The following HEATR5B variants were observed in gnomAD, a reference collection of about 807,000 sequenced individuals.
The protein encoded by HEATR5B is HEAT repeat containing 5B.
HEATR5B carries 156 observed loss-of-function variants against 224.1 expected under a neutral mutation model. The ratio of observed to expected loss-of-function variants is 0.70; its 90% CI spans 0.61 to 0.80. The LOEUF (loss-of-function observed/expected upper bound fraction) is 0.80, where lower values mean the gene tolerates loss of function less well. Ranked by LOEUF, HEATR5B falls within the 30% of genes least tolerant of loss-of-function variation. HEATR5B has a pLI of 0.00. For synonymous variants in HEATR5B, 1,027 were observed against 893.0 expected, an observed-to-expected ratio of 1.15 and a Z score of -2.68; for missense variants, 2,323 against 2,535.5, an observed-to-expected ratio of 0.92 and a Z score of 1.80.
intron 32 of HEATR5B, among the ~76,000 whole-genome samples, chr2:37,001,202 T>C (rs77650360): frequency 0.016 from 2,391 of 152,240 alleles, 65 homozygotes; most frequent in African/African-American, 0.055. Context: ...TTGTAAAACA[T>C]GTAATCAATC....
intron 5 of HEATR5B, 80 bp from the exon 6 acceptor site, chr2:37,072,361 A>C: frequency 1.0e-6 from 1 of 968,530 alleles, no homozygotes; most frequent in Non-Finnish European, 1.5e-6. Context: ...CAGACTTACC[A>C]CCTCTCCTGA....
At chr2:37,000,431 G>A (rs1451510346) in intron 33 of HEATR5B, among the ~76,000 whole-genome samples, 155 bp downstream of exon 33, 1 of 152,132 alleles carries the variant, frequency 6.6e-6, no homozygotes, top group Non-Finnish European at 1.5e-5. Flanking sequence ...ATCCAGAAAA[G>A]AGTATTAAAG....
At chr2:36,998,306 T>C (rs1666861628) in intron 33 of HEATR5B, among the ~76,000 whole-genome samples, 1 of 152,236 alleles carries the variant, frequency 6.6e-6, no homozygotes, top group South Asian at 2.1e-4. Context: ...TGAAAAATGT[T>C]AATGCTTACT....
intron 11 of HEATR5B, among the ~76,000 whole-genome samples, chr2:37,061,375 G>T (rs1183665468): frequency 4.6e-5 from 7 of 152,172 alleles, no homozygotes; most frequent in East Asian, 1.9e-4. Context: ...TAGATGCTTA[G>T]ATCTGTGTCA....
intron 10 of HEATR5B, 34 bp from the exon 11 acceptor site, chr2:37,062,084 A>G (rs1417845051): frequency 1.6e-6 from 2 of 1,233,194 alleles, no homozygotes; most frequent in Admixed American, 1.7e-5. Flanking sequence ...ATTTTAATTC[A>G]AACAAGTTAA....
At chr2:37,000,838 C>T (rs747544611) in intron 32 of HEATR5B, 25 bp from the exon 33 acceptor site, 1 of 1,443,808 alleles carries the variant, frequency 6.9e-7, no homozygotes, top group Non-Finnish European at 9.7e-7. Context: ...AATCAGATCA[C>T]CTCATAACTA....
chr2:37,018,402 G>C (rs1244551084), intron 26 of HEATR5B, among the ~76,000 whole-genome samples: 1 of 152,188 alleles, frequency 6.6e-6, no homozygotes, highest in Admixed American at 6.5e-5. Flanking sequence ...TTGTGTGGCA[G>C]TATCCCAAAC....
At chr2:37,052,913 C>T (rs137872222) in intron 17 of HEATR5B, among the ~76,000 whole-genome samples, 6 of 152,208 alleles carry the variant, frequency 3.9e-5, no homozygotes, top group Non-Finnish European at 5.9e-5. Context: ...TAAATTATTT[C>T]GGGAAATTTC....
At chr2:37,049,886 T>C in intron 17 of HEATR5B, 43 bp from the exon 18 acceptor site, 5 of 1,440,024 alleles carry the variant, frequency 3.5e-6, no homozygotes, top group Non-Finnish European at 3.7e-6. Context: ...CAATTCATAA[T>C]TCATTATTAT....
At chr2:37,019,123 G>A (rs371705567) in intron 26 of HEATR5B, among the ~76,000 whole-genome samples, 18 of 151,984 alleles carry the variant, frequency 1.2e-4, no homozygotes, top group African/African-American at 4.1e-4. Context: ...GCATGCCACT[G>A]TGCTCCAGCC....
At chr2:37,041,746 ATAATAATAATAT>A (rs1488995986) in intron 18 of HEATR5B, among the ~76,000 whole-genome samples, 1 of 146,898 alleles carries the variant, frequency 6.8e-6, no homozygotes, top group Non-Finnish European at 1.5e-5. Flanking sequence ...CCCTGTCTCA[ATAATAATAATAT>A]TAATAATAAT....
chr2:37,057,249 GT>G, intron 15 of HEATR5B, 67 bp downstream of exon 15: 1 of 1,207,550 alleles, frequency 8.3e-7, no homozygotes, highest in Admixed American at 2.7e-5. Flanking sequence ...TTCTTTTTAA[GT>G]GACAATGTGT....
intron 18 of HEATR5B, among the ~76,000 whole-genome samples, chr2:37,047,802 G>A (rs1292016991): frequency 6.6e-6 from 1 of 152,154 alleles, no homozygotes; most frequent in African/African-American, 2.4e-5. Context: ...TGATGTTGAT[G>A]AAAACAGTCT....
chr2:37,076,114 T>C (rs1231737663), intron 4 of HEATR5B: 1 of 138,182 alleles, frequency 7.2e-6, no homozygotes. Context: ...CATATTCTCA[T>C]AGTGCTTATT....
intron 19 of HEATR5B, 92 bp from the exon 20 acceptor site, chr2:37,040,610 A>G (rs1669811811): frequency 3.4e-6 from 3 of 871,260 alleles, no homozygotes; most frequent in African/African-American, 3.6e-5. Context: ...TATACTCTTA[A>G]TATTTTTAGG....
At chr2:36,985,421 T>TA (rs1028923485) in intron 35 of HEATR5B, among the ~76,000 whole-genome samples, 34 of 150,802 alleles carry the variant, frequency 2.3e-4, no homozygotes, top group Non-Finnish European at 4.4e-4. Flanking sequence ...AGCAGTCCAT[T>TA]AAAAAAATGA....
At chr2:37,075,805 G>C (rs915640749) in intron 4 of HEATR5B, 171 bp from the exon 5 acceptor site, 27 of 438,158 alleles carry the variant, frequency 6.2e-5, no homozygotes, top group Admixed American at 5.7e-4. Context: ...TGGCAAGTAA[G>C]AATAGTCAAT....
rs1665588535 is a variant in HEATR5B at position 36,981,641 on chromosome 2, T to C, written c.6065A>G (p.Lys2022Arg). 1 of 1,614,060 alleles carries C rather than the reference T, an allele frequency of 6.2e-7. No homozygotes were observed. The highest frequency in any genetic ancestry group is 1.1e-5 in the South Asian group (1 of 91,082). ...CTCAGGAGCAGCCCCCATTACTGTC[T>C]TGAAAGCATGTGGATACAGAGGTCC... ...HIGPLYPHAFKTVMGAAPELK... is the reference protein window; with the variant it reads ...HIGPLYPHAFRTVMGAAPELK... Residue 2022 changes from lysine to arginine, a missense_variant, in exon 36 of 36, where the codon AAG (lysine) becomes AGG (arginine). By Grantham distance (26) the Lys-to-Arg change is conservative (BLOSUM62 2). Coordinates refer to ENST00000233099, the MANE Select transcript of HEATR5B (RefSeq NM_019024.3).
chr2:37,032,862 A>C, intron 21 of HEATR5B, 89 bp from the exon 22 acceptor site: 1 of 1,017,206 alleles, frequency 9.8e-7, no homozygotes, highest in Non-Finnish European at 1.4e-6. Flanking sequence ...ATATACATAC[A>C]TACATATATA....
Sources: gnomAD v4.1 joint callset for allele counts (sites outside exome capture counted in the v4.1 genomes callset) on GRCh38, gnomAD v4.1.1 for gene constraint, MANE v1.5 for transcripts, NCBI Gene and HGNC (gene_info 2026-07-23, HGNC 2026-07-21) for gene names.